The following ACSF2 variants were observed in gnomAD, a reference collection of about 807,000 sequenced individuals.
ACSF2 encodes the protein acyl-CoA synthetase family member 2, also known as medium-chain acyl-CoA ligase ACSF2, mitochondrial.
In ACSF2, 52 loss-of-function variants were observed where a neutral mutation model predicts 79.3. The observed-to-expected ratio is 0.66, with a 90% CI of 0.53 to 0.83. The LOEUF is 0.83. Ranked by LOEUF, ACSF2 falls within the 40% of genes least tolerant of loss-of-function variation. The probability of loss-of-function intolerance (pLI) is 0.00; values close to 1 mark genes in which losing one functional copy is unlikely to be tolerated. For missense variants in ACSF2, 661 were observed against 803.3 expected, an observed-to-expected ratio of 0.82 and a Z score of 2.14; for synonymous variants, 283 against 312.6, an observed-to-expected ratio of 0.91 and a Z score of 1.00.
At chr17:50,426,777 G>A in intron 1 of ACSF2, 1 of 994,156 alleles carries the variant, frequency 1.0e-6, no homozygotes, top group Non-Finnish European at 1.5e-6. Context: ...GCAAACTTGG[G>A]GATCAGCCCC....
intron 1 of ACSF2, among the ~76,000 whole-genome samples, chr17:50,436,712 G>C (rs967732521): frequency 6.6e-6 from 1 of 150,846 alleles, no homozygotes; most frequent in Non-Finnish European, 1.5e-5. Context: ...GGGATTACAG[G>C]TGTGAGCCAC....
Position 50,426,315 on chromosome 17 carries a change from G to T in ACSF2, c.54G>T (p.Ser18=), listed in dbSNP as rs189328884. 4.7e-3 allele frequency: 6,588 copies of T among 1,412,574 alleles called. 222 individuals carry two copies. The African/African-American group carries it at 0.08, about 17-fold the overall frequency. 87.5% of individuals were successfully genotyped at this position (1,412,574 alleles called of 1,614,324 possible). The part of the protein sequence containing the change: ...LRLGRLCAGS[S]GVLGARAALS... ...TGGGGAGGCTGTGCGCCGGGAGCTC[G>T]GGGGTGCTGGGGGCCCGGGCCGCCC... Residue 18 remains serine (S), a synonymous_variant, in exon 1 of 16, where the codon TCG becomes TCT. Coordinates refer to ENST00000300441, the MANE Select transcript of ACSF2 (RefSeq NM_025149.6).
chr17:50,453,887 T>A (rs1172742529), intron 1 of ACSF2, among the ~76,000 whole-genome samples: 1 of 151,786 alleles, frequency 6.6e-6, no homozygotes, highest in Admixed American at 6.6e-5. Flanking sequence ...TCAAGAGATC[T>A]TCCTGCCTCA....
At chr17:50,446,665 A>C (rs2031321700) in intron 1 of ACSF2, among the ~76,000 whole-genome samples, 1 of 152,232 alleles carries the variant, frequency 6.6e-6, no homozygotes, top group Non-Finnish European at 1.5e-5. Flanking sequence ...GACCTCTTTA[A>C]GTCACTGACC....
rs2033242124 is a variant in ACSF2 at position 50,474,177 on chromosome 17, C to T, written c.1729-22C>T. The T allele has an allele frequency of 6.2e-7, 1 of 1,613,884 alleles. No homozygotes were observed. Among genetic ancestry groups the T allele is most frequent in the African/African-American group, 1.3e-5 (1 of 75,040 alleles). On this transcript the variant is annotated intron_variant, in intron 14 of 15. Coordinates refer to ENST00000300441, the MANE Select transcript of ACSF2 (RefSeq NM_025149.6). The surrounding 1 kb of genome is among the most constrained non-coding windows in gnomAD (Gnocchi z 4.2). The stretch of plus-strand genomic sequence containing the variant: ...TGAGCTTGCGCAGCCTCACGCCTTA[C>T]CTCCCTCCCTCTGGTCTGCAGATCT...
At chr17:50,426,734 G>A (rs891280788) in intron 1 of ACSF2, among the ~76,000 whole-genome samples, 7 of 152,234 alleles carry the variant, frequency 4.6e-5, no homozygotes, top group Non-Finnish European at 1.0e-4. Context: ...TGTACCCCCA[G>A]GACACTGCCT....
Position 50,474,004 on chromosome 17 carries a change from GGTGGGAGC to G in ACSF2, c.1728+1_1728+8del. 6.6e-7 allele frequency: 1 copy of G among 1,515,366 alleles called. No individual in the cohort carries two copies. The highest frequency in any genetic ancestry group is 8.8e-7 in the Non-Finnish European group (1 of 1,131,600). 93.9% of individuals were successfully genotyped at this position (1,515,366 alleles called of 1,614,324 possible). ...AGATAAAAGCTTTCTGCAAAGGGAA[GGTGGGAGC>G]CTCCGCTCAACCTAGCTGATGCTGC... is the stretch of plus-strand genomic sequence containing the variant. On this transcript the variant is annotated splice_donor_variant and splice_donor_5th_base_variant and intron_variant, in intron 14 of 15. Transcript: ENST00000300441. LOFTEE classifies it high-confidence loss of function. The surrounding 1 kb of genome is among the most constrained non-coding windows in gnomAD (Gnocchi z 4.2).
chr17:50,463,594 C>A lies in ACSF2; in HGVS notation c.1046+42C>A. ...AGGCTACTTGTGGGCTGATAAAACC[C>A]TCTTCTTCCTCACTCCTGGGCCCTG... On this transcript the variant is annotated intron_variant, in intron 8 of 15. Transcript: ENST00000300441. The surrounding 1 kb of genome is among the most constrained non-coding windows in gnomAD (Gnocchi z 4.6). 6.2e-7 allele frequency: 1 copy of A among 1,602,882 alleles called. No individual in the cohort carries two copies. The highest frequency in any genetic ancestry group is 1.1e-5 in the South Asian group (1 of 89,330).
intron 1 of ACSF2, among the ~76,000 whole-genome samples, chr17:50,456,776 G>A (rs2032037713): frequency 6.6e-6 from 1 of 151,890 alleles, no homozygotes; most frequent in Admixed American, 6.6e-5. Context: ...AAGGTGCCTG[G>A]TGGCCAGGTG....
intron 1 of ACSF2, among the ~76,000 whole-genome samples, chr17:50,438,112 T>C (rs2030579698): frequency 6.6e-6 from 1 of 152,200 alleles, no homozygotes; most frequent in Non-Finnish European, 1.5e-5. Context: ...GGACCTCCCT[T>C]GTATACCAAA....
chr17:50,436,736 TTC>T (rs1231999789), intron 1 of ACSF2, among the ~76,000 whole-genome samples: 4 of 151,012 alleles, frequency 2.6e-5, no homozygotes, highest in Non-Finnish European at 1.5e-5. Context: ...GCCCAGGCAG[TTC>T]TTTTTTTTTT....
Position 50,462,455 on chromosome 17 carries a change from C to T in ACSF2, c.662C>T (p.Ala221Val). The T allele has an allele frequency of 3.1e-6, 5 of 1,613,352 alleles. No individual in the cohort carries two copies. Among genetic ancestry groups the T allele is most frequent in the Non-Finnish European group, 4.2e-6 (5 of 1,179,756 alleles). The change falls in exon 6 of 16, where the codon GCC (alanine) becomes GTC (valine). Residue 221 changes from alanine (A) to valine (V), a missense_variant. Physicochemically the swap from Ala to Val is moderately conservative, Grantham distance 64. Transcript: ENST00000300441. Reference sequence around the variant, plus strand: ...CTGACCACAGTCATCTCGGTGGATGCCCCTTTGCCGGGGACCCTGCTCCTG... The same window carrying T: ...CTGACCACAGTCATCTCGGTGGATGTCCCTTTGCCGGGGACCCTGCTCCTG... Reference protein sequence around the residue: ...PDLTTVISVDAPLPGTLLLDE... With the variant: ...PDLTTVISVDVPLPGTLLLDE...
rs140952988 is a variant in ACSF2 at position 50,443,156 on chromosome 17, C to T, written c.128+16767C>T. On this transcript the variant is annotated intron_variant, in intron 1 of 15. Transcript: ENST00000300441. ...ATCTCCTGACCTTGTGATCCGTCCA[C>T]CTCAGCCTCCCAAAGTGCTGGGATT... Among the ~76,000 whole-genome samples, 666 of 152,254 alleles carry T rather than the reference C, an allele frequency of 4.4e-3. 4 individuals are homozygous for T. The highest frequency in any genetic ancestry group is 6.7e-3 in the Non-Finnish European group (454 of 68,020).
rs779726036 is a variant in ACSF2 at position 50,460,665 on chromosome 17, C to T, written c.129-12C>T. 1.9e-6 allele frequency: 3 copies of T among 1,605,424 alleles called. No homozygotes were observed. Among genetic ancestry groups the T allele is most frequent in the Non-Finnish European group, 1.7e-6 (2 of 1,175,092 alleles). ...TCTGGGACAGTCAAACCCATAGCTCCTCTCCCTACAGTTCCAGAGAGGTGG... is the reference window on the plus strand; with the variant it reads ...TCTGGGACAGTCAAACCCATAGCTCTTCTCCCTACAGTTCCAGAGAGGTGG... On this transcript the variant is annotated splice_polypyrimidine_tract_variant and intron_variant, in intron 1 of 15. Coordinates refer to ENST00000300441, the MANE Select transcript of ACSF2 (RefSeq NM_025149.6).
chr17:50,459,900 C>T (rs1454220802), intron 1 of ACSF2, among the ~76,000 whole-genome samples: 1 of 152,152 alleles, frequency 6.6e-6, no homozygotes, highest in Non-Finnish European at 1.5e-5. Context: ...CTCTTGGTGC[C>T]CCTTGCTTAT....
chr17:50,430,463 C>A (rs1394250138), intron 1 of ACSF2, among the ~76,000 whole-genome samples: 1 of 152,098 alleles, frequency 6.6e-6, no homozygotes, highest in Admixed American at 6.6e-5. Context: ...GTCAGGAGTT[C>A]GAGACCAGCC....
At chr17:50,432,907 G>A (rs1033001748) in intron 1 of ACSF2, among the ~76,000 whole-genome samples, 13 of 152,274 alleles carry the variant, frequency 8.5e-5, no homozygotes, top group Middle Eastern at 3.4e-3. Context: ...GTTTGAGCCT[G>A]ATCCCTAAAC....
At chr17:50,472,297 G>A in intron 11 of ACSF2, 131 bp from the exon 12 acceptor site, 3 of 1,099,310 alleles carry the variant, frequency 2.7e-6, no homozygotes, top group Non-Finnish European at 3.8e-6. Context: ...GGGATAAGCA[G>A]AGCCAGGGGG....
intron 1 of ACSF2, among the ~76,000 whole-genome samples, chr17:50,454,348 A>G (rs1178878830): frequency 6.6e-6 from 1 of 151,852 alleles, no homozygotes; most frequent in Non-Finnish European, 1.5e-5. Flanking sequence ...TCAATCTACA[A>G]ATATCCCAAA....
Sources: gnomAD v4.1 joint callset for allele counts (sites outside exome capture counted in the v4.1 genomes callset) on GRCh38, gnomAD v4.1.1 for gene constraint, Gnocchi (gnomAD v3.1) non-coding constraint, MANE v1.5 for transcripts, NCBI Gene and HGNC (gene_info 2026-07-23, HGNC 2026-07-21) for gene names.